MYH10: variants seen among roughly 807,000 people sequenced by gnomAD.
MYH10 encodes the protein myosin-10.
Under a neutral mutation model 257.8 loss-of-function variants are expected in MYH10, and 55 were observed. That is an observed-to-expected ratio of 0.21 (90% confidence interval 0.17 to 0.27). The LOEUF is 0.27. MYH10 is among the 10% of genes least tolerant of loss of function. The pLI, the probability that MYH10 is intolerant of heterozygous loss-of-function variation, is 1.00. For missense variants in MYH10, 1,631 were observed against 2,500.6 expected (o/e 0.65, Z 7.42); for synonymous variants, 854 against 921.7 (o/e 0.93, Z 1.33).
intron 4 of MYH10, among the ~76,000 whole-genome samples, chr17:8,582,658 T>C (rs1402886584): frequency 6.6e-6 from 1 of 152,218 alleles, no homozygotes; most frequent in South Asian, 2.1e-4. Flanking sequence ...GTTTCCTCAA[T>C]AGGTCTACAG....
chr17:8,484,650 CT>C (rs1914460144), intron 36 of MYH10, among the ~76,000 whole-genome samples: 1 of 152,146 alleles, frequency 6.6e-6, no homozygotes, highest in Admixed American at 6.5e-5. Context: ...CAAGCAGGAT[CT>C]ATCTGAGGAA....
In MYH10 at chr17:8,512,608, T is replaced by G; in HGVS notation, c.2795A>C (p.Glu932Ala). 1 of 1,613,520 alleles carries G rather than the reference T, an allele frequency of 6.2e-7. No homozygotes were observed. Residue 932 changes from glutamate to alanine, a missense_variant, in exon 24 of 43, where the codon GAG (glutamate) becomes GCG (alanine). Around this residue, in one of 11 missense-constraint regions of MYH10, gnomAD observed 116 missense variants for 221.6 expected, o/e 0.52. Transcript: ENST00000360416. ...ILAEQLQAET[E>A]LFAEAEEMRA... ...CATCTCTTCTGCTTCAGCAAAGAGC[T>G]CAGTCTCTGCTTGTAGTTGTTCTGC...
At chr17:8,613,627 T>C (rs1293549884) in intron 2 of MYH10, among the ~76,000 whole-genome samples, 1 of 151,974 alleles carries the variant, frequency 6.6e-6, no homozygotes, top group Non-Finnish European at 1.5e-5. Flanking sequence ...ATAATAAAAA[T>C]TATAACCAAC....
Position 8,530,689 on chromosome 17 carries a change from A to AC in MYH10, c.1895-5_1895-4insG, listed in dbSNP as rs1203881056. 7.1e-6 allele frequency: 11 copies of AC among 1,547,842 alleles called. No homozygotes were observed. The African/African-American group carries it at 1.5e-4, about 21-fold the overall frequency. On this transcript the variant is annotated splice_polypyrimidine_tract_variant and splice_region_variant and intron_variant, in intron 16 of 42. Coordinates refer to ENST00000360416, the MANE Select transcript of MYH10 (RefSeq NM_001256012.3). The stretch of plus-strand genomic sequence containing the variant: ...GCTCTCTGAATATTCTGAATCTCTA[A>AC]AGCAGAGAAACAGCAAAAACAGGAC...
In MYH10 at chr17:8,545,471, T is replaced by C. The variant is rs1355771698; in HGVS notation, c.1408A>G (p.Ile470Val). Residue 470 changes from isoleucine (I) to valine (V), a missense_variant, in exon 13 of 43, where the codon ATT (isoleucine) becomes GTT (valine). By Grantham distance (29) the Ile-to-Val change is conservative. Around this residue, in one of 11 missense-constraint regions of MYH10, gnomAD observed 360 missense variants for 581.9 expected, o/e 0.62. Transcript: ENST00000360416. This position sits in a 1 kb window ranked among gnomAD's most constrained non-coding sequence, Gnocchi z 4.7. ...QGASFIGILD[I>V]AGFEIFELNS... ...ACCTCAAAAATTTCAAATCCAGCAA[T>C]ATCCAGGATTCCAATGAAAGATGCT... 1 of 1,613,172 alleles carries C rather than the reference T, an allele frequency of 6.2e-7. No homozygotes were observed. Among genetic ancestry groups the C allele is most frequent in the East Asian group, 2.2e-5 (1 of 44,868 alleles).
At chr17:8,529,525 A>G (rs1487863269) in intron 17 of MYH10, among the ~76,000 whole-genome samples, 2 of 152,162 alleles carry the variant, frequency 1.3e-5, no homozygotes, top group Admixed American at 1.3e-4. Flanking sequence ...GCATTCCCCA[A>G]CGCCAAAGAG....
chr17:8,551,861 G>A (rs112241348), intron 9 of MYH10, among the ~76,000 whole-genome samples, 185 bp downstream of exon 9: 2,856 of 151,848 alleles, frequency 0.019, 91 homozygotes, highest in African/African-American at 0.064. Flanking sequence ...AATACCTGCC[G>A]CTTAAAATAA....
chr17:8,553,930 A>T (rs371852378), intron 8 of MYH10, 25 bp downstream of exon 8: 51 of 1,589,298 alleles, frequency 3.2e-5, no homozygotes, highest in Non-Finnish European at 4.1e-5. Context: ...TTTATTTTGG[A>T]TTATACATTT....
At chr17:8,600,518 T>C (rs1243525696) in intron 3 of MYH10, among the ~76,000 whole-genome samples, 1 of 152,182 alleles carries the variant, frequency 6.6e-6, no homozygotes, top group Non-Finnish European at 1.5e-5. Context: ...AGCATCACCA[T>C]AGATGTTGGT....
At chr17:8,585,275 CAT>C (rs2083863958) in intron 4 of MYH10, among the ~76,000 whole-genome samples, 20 of 24,216 alleles carry the variant, frequency 8.3e-4, no homozygotes, top group East Asian at 1.6e-3. Context: ...TATATATGTG[CAT>C]GTGTGTGTGT....
intron 10 of MYH10, 41 bp from the exon 11 acceptor site, chr17:8,548,449 CA>C (rs770343703): frequency 1.6e-4 from 242 of 1,468,878 alleles, no homozygotes; most frequent in Non-Finnish European, 2.1e-4. Context: ...AATATTGCCT[CA>C]AAATGTAGCG....
intron 21 of MYH10, among the ~76,000 whole-genome samples, chr17:8,514,630 C>G (rs992704306): frequency 6.6e-6 from 1 of 151,772 alleles, no homozygotes; most frequent in East Asian, 1.9e-4. Flanking sequence ...CCTCAACCCC[C>G]CTCCTGCCAA....
chr17:8,508,053 T>C (rs2081131586), intron 26 of MYH10, among the ~76,000 whole-genome samples: 1 of 152,182 alleles, frequency 6.6e-6, no homozygotes, highest in African/African-American at 2.4e-5. Context: ...GCCCTTTTTA[T>C]TATGTTTTAA....
At chr17:8,610,061 A>T (rs2084966225) in intron 2 of MYH10, among the ~76,000 whole-genome samples, 1 of 151,992 alleles carries the variant, frequency 6.6e-6, no homozygotes, top group Admixed American at 6.6e-5. Context: ...CATCACTATT[A>T]AAATTTTTAG....
At chr17:8,499,034 C>A (rs1917116348) in intron 30 of MYH10, among the ~76,000 whole-genome samples, 1 of 152,114 alleles carries the variant, frequency 6.6e-6, no homozygotes, top group Admixed American at 6.5e-5. Flanking sequence ...AAACACAATT[C>A]AGAGTGGAAC....
At chr17:8,611,295 T>C (rs539138150) in intron 2 of MYH10, among the ~76,000 whole-genome samples, 1 of 152,342 alleles carries the variant, frequency 6.6e-6, no homozygotes, top group Non-Finnish European at 1.5e-5. Context: ...TAAGCCTGCC[T>C]GCCCAAAGCA....
intron 17 of MYH10, among the ~76,000 whole-genome samples, chr17:8,522,912 C>G (rs2081704661): frequency 6.6e-6 from 1 of 152,212 alleles, no homozygotes; most frequent in African/African-American, 2.4e-5. Context: ...AAACTCTCCA[C>G]TCCTGGCTTT....
rs1410220640 is a variant in MYH10 at position 8,569,894 on chromosome 17, T to C, written c.664-82A>G. 4 of 1,055,728 alleles carry C rather than the reference T, an allele frequency of 3.8e-6. No homozygotes were observed. Among genetic ancestry groups the C allele is most frequent in the Non-Finnish European group, 5.4e-6 (4 of 736,706 alleles). 65.4% of individuals were successfully genotyped at this position (1,055,728 alleles called of 1,614,324 possible). ...TACTCAAGTCATCAGGGGAAAAATTTCTAAAAAAGAAACTGCATCTTTTCC... is the reference window on the plus strand; with the variant it reads ...TACTCAAGTCATCAGGGGAAAAATTCCTAAAAAAGAAACTGCATCTTTTCC... On this transcript the variant is annotated intron_variant, in intron 6 of 42. Transcript: ENST00000360416. The surrounding 1 kb of genome is among the most constrained non-coding windows in gnomAD (Gnocchi z 4.1).
rs920968575 is a variant in MYH10 at position 8,504,149 on chromosome 17, C to T, written c.3599+545G>A. On this transcript the variant is annotated intron_variant, in intron 28 of 42. Transcript: ENST00000360416. This position sits in a 1 kb window ranked among gnomAD's most constrained non-coding sequence, Gnocchi z 5.6. Reference sequence around the variant, plus strand: ...CTATGCTCGTCACTTTTTTCATGCCCGCCCTGGCTGCTGGCTCATGATGCT... The same window carrying T: ...CTATGCTCGTCACTTTTTTCATGCCTGCCCTGGCTGCTGGCTCATGATGCT... Among the ~76,000 whole-genome samples, 19 of 152,188 alleles carry T rather than the reference C, an allele frequency of 1.2e-4. No homozygotes were observed. Among genetic ancestry groups the T allele is most frequent in the African/African-American group, 4.1e-4 (17 of 41,436 alleles).
Sources: allele counts gnomAD v4.1 joint callset (sites outside exome capture counted in the v4.1 genomes callset), GRCh38; gene constraint gnomAD v4.1.1; regional missense constraint gnomAD v4.1.1; non-coding constraint Gnocchi (gnomAD v3.1); transcripts MANE v1.5; gene names NCBI Gene and HGNC (gene_info 2026-07-23, HGNC 2026-07-21).